Variants in OR8J1 observed in about 807,000 individuals in gnomAD.
OR8J1 encodes olfactory receptor 8J1.
For missense variants in OR8J1, 400 were observed against 373.0 expected (o/e 1.07, Z -0.60); for synonymous variants, 157 against 144.3 (o/e 1.09, Z -0.63).
intron 1 of OR8J1, among the ~76,000 whole-genome samples, 198 bp downstream of exon 1, chr11:56,354,523 C>T (rs1457781637): frequency 1.3e-5 from 2 of 152,196 alleles, no homozygotes; most frequent in African/African-American, 4.8e-5. Flanking sequence ...TATGATCAAG[C>T]TATTTATGTC....
rs1174956932 is a variant in OR8J1, at chr11:56,354,313, T to C, written c.-33T>C. ...ATAGACTCTAAGAACCTGAAGCAGATTCTCCTCTAGAGGTGGGTGGAAAAG... is the reference window on the plus strand; with the variant it reads ...ATAGACTCTAAGAACCTGAAGCAGACTCTCCTCTAGAGGTGGGTGGAAAAG... On this transcript the variant is annotated 5_prime_UTR_variant, in exon 1 of 2. Transcript: ENST00000533152. The C allele has an allele frequency of 3.5e-4, 53 of 152,312 alleles. No homozygotes were observed. The highest frequency in any genetic ancestry group is 1.5e-4 in the Non-Finnish European group (10 of 68,022). 9.4% of individuals were successfully genotyped at this position (152,312 alleles called of 1,614,324 possible).
At position 56,360,780 on chromosome 11, in the gene OR8J1, C is replaced by T. The variant is rs371772723; in HGVS notation, c.534C>T (p.Tyr178=). The T allele has an allele frequency of 1.8e-5, 28 of 1,583,076 alleles. No individual in the cohort carries two copies. The highest frequency in any genetic ancestry group is 2.4e-5 in the Non-Finnish European group (28 of 1,169,144). Residue 178 remains tyrosine (Y), a synonymous_variant, in exon 2 of 2, where the codon TAC becomes TAT. Coordinates refer to ENST00000533152, the MANE Select transcript of OR8J1 (RefSeq NM_001005205.3). The stretch of plus-strand genomic sequence containing the variant: ...CTTCTAATATAATCAATCATTTTTA[C>T]TGTGATAATGTTCCTCTGTTAGCAT... ...YCSSNIINHF[Y]CDNVPLLALS...
chr11:56,360,559 T>G lies in OR8J1; in HGVS notation c.313T>G (p.Leu105Val), dbSNP rs201991316. The G allele has an allele frequency of 8.7e-6, 14 of 1,614,000 alleles. No homozygotes were observed. The African/African-American group carries it at 1.7e-4, about 20-fold the overall frequency. The change falls in exon 2 of 2, where the codon TTG (leucine) becomes GTG (valine). Residue 105 changes from leucine (L) to valine (V), a missense_variant. Physicochemically the swap from Leu to Val is conservative, Grantham distance 32. Transcript: ENST00000533152. ...YECATQLGGFLFFIVSEVIML... is the reference protein window; with the variant it reads ...YECATQLGGFVFFIVSEVIML... ...ATGTGCCACCCAACTGGGAGGGTTC[T>G]TGTTCTTTATTGTATCGGAGGTAAT...
In OR8J1 at chr11:56,360,788, A is replaced by T; in HGVS notation, c.542A>T (p.Asn181Ile). 6.3e-7 allele frequency: 1 copy of T among 1,577,218 alleles called. No individual in the cohort carries two copies. Among genetic ancestry groups the T allele is most frequent in the Admixed American group, 1.9e-5 (1 of 51,658 alleles). The change falls in exon 2 of 2, where the codon AAT becomes ATT. Residue 181 changes from asparagine (N) to isoleucine (I), a missense_variant. Physicochemically the swap from Asn to Ile is moderately radical, Grantham distance 149. Coordinates refer to ENST00000533152, the MANE Select transcript of OR8J1 (RefSeq NM_001005205.3). ...ATAATCAATCATTTTTACTGTGATAATGTTCCTCTGTTAGCATTATCTTGC... is the reference window on the plus strand; with the variant it reads ...ATAATCAATCATTTTTACTGTGATATTGTTCCTCTGTTAGCATTATCTTGC... ...SNIINHFYCD[N>I]VPLLALSCSD...
Position 56,360,562 on chromosome 11 carries a change from T to C in OR8J1, c.316T>C (p.Phe106Leu), listed in dbSNP as rs772276939. The change falls in exon 2 of 2, where the codon TTC becomes CTC. Residue 106 changes from phenylalanine to leucine, a missense_variant. Physicochemically the swap from Phe to Leu is conservative, Grantham distance 22. Transcript: ENST00000533152. ...TGCCACCCAACTGGGAGGGTTCTTG[T>C]TCTTTATTGTATCGGAGGTAATCAT... ...ECATQLGGFLFFIVSEVIMLA... is the reference protein window; with the variant it reads ...ECATQLGGFLLFIVSEVIMLA... 6.2e-7 allele frequency: 1 copy of C among 1,614,096 alleles called. No individual in the cohort carries two copies. Among genetic ancestry groups the C allele is most frequent in the South Asian group, 1.1e-5 (1 of 91,076 alleles).
intron 1 of OR8J1, chr11:56,357,549 C>A: frequency 2.3e-6 from 2 of 876,230 alleles, no homozygotes; most frequent in African/African-American, 1.6e-5. Context: ...TGTGATAGTC[C>A]GCGCGGCACA....
At chr11:56,356,554 A>T (rs973510031) in intron 1 of OR8J1, among the ~76,000 whole-genome samples, 3 of 152,138 alleles carry the variant, frequency 2.0e-5, no homozygotes, top group African/African-American at 7.2e-5. Context: ...AGAAAAGGGC[A>T]TGGGAGGGGA....
rs975783775 is a variant in OR8J1, at chr11:56,360,670, C to T, written c.424C>T (p.Leu142Phe). ...GGTGGTGGTGTCTCGGCGGCTCTGC[C>T]TCCTGCTGGTCTCCCTCACATACCT... is the stretch of plus-strand genomic sequence containing the variant. ...YMVVVSRRLC[L>F]LLVSLTYLYG... The change falls in exon 2 of 2, where the codon CTC (leucine) becomes TTC (phenylalanine). Residue 142 changes from leucine (L) to phenylalanine (F), a missense_variant. Transcript: ENST00000533152. 3 of 1,611,784 alleles carry T rather than the reference C, an allele frequency of 1.9e-6. No homozygotes were observed. The highest frequency in any genetic ancestry group is 1.3e-5 in the African/African-American group (1 of 74,638).
At position 56,360,308 on chromosome 11, in the gene OR8J1, C is replaced by T. The variant is rs1319919255; in HGVS notation, c.62C>T (p.Pro21Leu). The change falls in exon 2 of 2, where the codon CCA (proline) becomes CTA (leucine). Residue 21 changes from proline (P) to leucine (L), a missense_variant. Physicochemically the swap from Pro to Leu is moderately conservative, Grantham distance 98. Transcript: ENST00000533152. Reference sequence around the variant, plus strand: ...ATTCTTACAGGTGTCTCTAGCTGTCCAGAGCTCCAGATTCCCCTCTTCCTG... The same window carrying T: ...ATTCTTACAGGTGTCTCTAGCTGTCTAGAGCTCCAGATTCCCCTCTTCCTG... ...EFILTGVSSC[P>L]ELQIPLFLVF... 5.0e-6 allele frequency: 8 copies of T among 1,612,924 alleles called. No homozygotes were observed. The highest frequency in any genetic ancestry group is 2.2e-5 in the South Asian group (2 of 90,930).
chr11:56,360,825 C>T lies in OR8J1; in HGVS notation c.579C>T (p.Tyr193=). The change falls in exon 2 of 2, where the codon TAC becomes TAT. Residue 193 remains tyrosine, a synonymous_variant. Coordinates refer to ENST00000533152, the MANE Select transcript of OR8J1 (RefSeq NM_001005205.3). ...TAGCATTATCTTGCTCTGATACTTACTTACCAGAAACAGTTGTCTTTATAT... is the reference window on the plus strand; with the variant it reads ...TAGCATTATCTTGCTCTGATACTTATTTACCAGAAACAGTTGTCTTTATAT... ...PLLALSCSDT[Y]LPETVVFISA... The T allele has an allele frequency of 6.5e-7, 1 of 1,536,268 alleles. No homozygotes were observed. Among genetic ancestry groups the T allele is most frequent in the Non-Finnish European group, 8.7e-7 (1 of 1,148,598 alleles).
At chr11:56,357,546 G>A in intron 1 of OR8J1, 1 of 870,340 alleles carries the variant, frequency 1.1e-6, no homozygotes, top group Admixed American at 1.7e-5. Context: ...GAATGTGATA[G>A]TCCGCGCGGC....
rs1852617126 is a variant in OR8J1, at chr11:56,360,374, T to G, written c.128T>G (p.Leu43Arg). ...TATGGGCTGACCATGGCAGGGAACC[T>G]GGGCATCATCACCCTCACCAGTGTT... ...VLYGLTMAGN[L>R]GIITLTSVDS... The change falls in exon 2 of 2, where the codon CTG becomes CGG. Residue 43 changes from leucine (L) to arginine (R), a missense_variant. By Grantham distance (102) the Leu-to-Arg change is moderately radical. Coordinates refer to ENST00000533152, the MANE Select transcript of OR8J1 (RefSeq NM_001005205.3). 9.9e-6 allele frequency: 16 copies of G among 1,614,034 alleles called. No individual in the cohort carries two copies. Among genetic ancestry groups the G allele is most frequent in the Non-Finnish European group, 1.4e-5 (16 of 1,180,020 alleles).
intron 1 of OR8J1, chr11:56,357,552 G>C: frequency 1.1e-6 from 1 of 882,604 alleles, no homozygotes; most frequent in Non-Finnish European, 1.9e-6. Flanking sequence ...GATAGTCCGC[G>C]CGGCACATGC....
intron 1 of OR8J1, chr11:56,358,172 G>T (rs533343459): frequency 6.1e-6 from 2 of 327,624 alleles, no homozygotes; most frequent in East Asian, 5.8e-5. Context: ...TGGGTAGCTC[G>T]AAAGAAGGCA....
In OR8J1 at chr11:56,360,695, T is replaced by C; in HGVS notation, c.449T>C (p.Leu150Pro). The C allele has an allele frequency of 6.2e-7, 1 of 1,612,508 alleles. No individual in the cohort carries two copies. Among genetic ancestry groups the C allele is most frequent in the Non-Finnish European group, 8.5e-7 (1 of 1,179,480 alleles). Reference protein sequence around the residue: ...LCLLLVSLTYLYGFSTAIVVS... With the variant: ...LCLLLVSLTYPYGFSTAIVVS... Reference sequence around the variant, plus strand: ...CTCCTGCTGGTCTCCCTCACATACCTCTATGGCTTTTCTACAGCTATTGTG... The same window carrying C: ...CTCCTGCTGGTCTCCCTCACATACCCCTATGGCTTTTCTACAGCTATTGTG... The change falls in exon 2 of 2, where the codon CTC (leucine) becomes CCC (proline). Residue 150 changes from leucine (L) to proline (P), a missense_variant. By Grantham distance (98) the Leu-to-Pro change is moderately conservative. Coordinates refer to ENST00000533152, the MANE Select transcript of OR8J1 (RefSeq NM_001005205.3).
rs769850980 is a variant in OR8J1 at position 56,360,657 on chromosome 11, T to G, written c.411T>G (p.Ser137=). ...CTCTGCTGTACATGGTGGTGGTGTC[T>G]CGGCGGCTCTGCCTCCTGCTGGTCT... ...CNPLLYMVVV[S]RRLCLLLVSL... is the part of the protein sequence containing the mutation. The change falls in exon 2 of 2, where the codon TCT becomes TCG. Residue 137 remains serine, a synonymous_variant. Coordinates refer to ENST00000533152, the MANE Select transcript of OR8J1 (RefSeq NM_001005205.3). 2.5e-6 allele frequency: 4 copies of G among 1,611,342 alleles called. No individual in the cohort carries two copies. In the East Asian group the frequency reaches 8.9e-5, roughly 36 times the overall value.
chr11:56,361,116 C>T lies in OR8J1; in HGVS notation c.870C>T (p.Ile290=). Residue 290 remains isoleucine, a synonymous_variant, in exon 2 of 2, where the codon ATC becomes ATT. Coordinates refer to ENST00000533152, the MANE Select transcript of OR8J1 (RefSeq NM_001005205.3). ...TAATTCCTATGCTGAATCCCTTGAT[C>T]TACAGCCTGAGGAATAAGGATGTGA... The part of the protein sequence containing the change: ...TLVIPMLNPL[I]YSLRNKDVKT... 2.0e-6 allele frequency: 3 copies of T among 1,498,544 alleles called. No individual in the cohort carries two copies. The highest frequency in any genetic ancestry group is 2.4e-5 in the East Asian group (1 of 42,094). The allele number at this position is 1,498,544 out of a possible 1,614,324, so 92.8% of individuals were successfully genotyped here. A position where few individuals can be genotyped will look rare whatever the true frequency, so the allele number is the denominator to read the frequency against.
rs770942395 is a variant in OR8J1 at position 56,360,459 on chromosome 11, T to C, written c.213T>C (p.Leu71=). The C allele has an allele frequency of 1.2e-6, 2 of 1,614,060 alleles. No individual in the cohort carries two copies. The highest frequency in any genetic ancestry group is 1.7e-6 in the Non-Finnish European group (2 of 1,180,030). Residue 71 remains leucine (L), a synonymous_variant, in exon 2 of 2, where the codon CTT becomes CTC. Coordinates refer to ENST00000533152, the MANE Select transcript of OR8J1 (RefSeq NM_001005205.3). ...FFLQHLALIN[L]GNSTVIAPKM... is the part of the protein sequence containing the mutation. ...TGCAACATCTGGCTCTCATTAATCT[T>C]GGTAACTCTACTGTCATTGCCCCTA...
rs112511179 is a variant in OR8J1, at chr11:56,361,242, C to T, written c.*45C>T. On this transcript the variant is annotated 3_prime_UTR_variant, in exon 2 of 2. Transcript: ENST00000533152. ...ATGAGGAGAGAGTTAATATAAGCTG[C>T]CATTATGTAAAAGAAAATGTAGGAA... is the stretch of plus-strand genomic sequence containing the variant. 74 of 800,408 alleles carry T rather than the reference C, an allele frequency of 9.2e-5. No homozygotes were observed. In the African/African-American group the frequency reaches 1.0e-3, roughly 11 times the overall value. The allele number at this position is 800,408 out of a possible 1,614,324, so 49.6% of individuals were successfully genotyped here. A position where few individuals can be genotyped will look rare whatever the true frequency, so the allele number is the denominator to read the frequency against.
Sources: allele counts gnomAD v4.1 joint callset (sites outside exome capture counted in the v4.1 genomes callset), GRCh38; gene constraint gnomAD v4.1.1; transcripts MANE v1.5; gene names NCBI Gene and HGNC (gene_info 2026-07-23, HGNC 2026-07-21).